CALN1: variants seen among roughly 807,000 people sequenced by gnomAD.
CALN1 encodes calneuron 1, also known as calcium-binding protein 8.
CALN1 carries 17 observed loss-of-function variants against 30.6 expected under a neutral mutation model. That is an observed-to-expected ratio of 0.56 (90% CI 0.38 to 0.83). The LOEUF (loss-of-function observed/expected upper bound fraction) is 0.83. Ranked by LOEUF, CALN1 falls within the 40% of genes least tolerant of loss-of-function variation. The pLI, the probability that CALN1 is intolerant of heterozygous loss-of-function variation, is 0.00. For missense variants in CALN1, 291 were observed against 354.9 expected (o/e 0.82, Z 1.45); for synonymous variants, 156 against 131.4 (o/e 1.19, Z -1.28).
intron 5 of CALN1, among the ~76,000 whole-genome samples, chr7:71,840,902 G>A (rs967185212): frequency 6.6e-6 from 1 of 151,880 alleles, no homozygotes; most frequent in Non-Finnish European, 1.5e-5. Flanking sequence ...ATTTTACTAA[G>A]ATATGTGGGT....
At chr7:72,328,678 G>A (rs1801451279) in intron 2 of CALN1, among the ~76,000 whole-genome samples, 1 of 152,146 alleles carries the variant, frequency 6.6e-6, no homozygotes, top group Non-Finnish European at 1.5e-5. Context: ...TCAAGGCATT[G>A]GTGATCATCG....
At chr7:72,325,022 G>A (rs1801173387) in intron 2 of CALN1, among the ~76,000 whole-genome samples, 1 of 152,120 alleles carries the variant, frequency 6.6e-6, no homozygotes, top group African/African-American at 2.4e-5. Flanking sequence ...AAGATTGCTG[G>A]GTGCACTGGC....
rs1792623360 is a variant in CALN1 at position 71,779,805 on chromosome 7, A to G, written c.*7970T>C. The G allele has an allele frequency of 1.3e-5, 2 of 152,204 alleles. No individual in the cohort carries two copies. Among genetic ancestry groups the G allele is most frequent in the African/African-American group, 4.8e-5 (2 of 41,434 alleles). The allele number at this position is 152,204 out of a possible 1,614,324, so 9.4% of individuals were successfully genotyped here. Reference sequence around the variant, plus strand: ...CTGAATGAGAGAAAATGGGATGCTAATGAGGTAAATGGGAAGATGGTGATT... The same window carrying G: ...CTGAATGAGAGAAAATGGGATGCTAGTGAGGTAAATGGGAAGATGGTGATT... On this transcript the variant is annotated 3_prime_UTR_variant, in exon 7 of 7. Coordinates refer to ENST00000395275, the MANE Select transcript of CALN1 (RefSeq NM_031468.4).
chr7:71,932,748 G>A (rs1326571952), intron 5 of CALN1, among the ~76,000 whole-genome samples: 5 of 150,808 alleles, frequency 3.3e-5, no homozygotes, highest in Non-Finnish European at 5.9e-5. Flanking sequence ...CCCGGGAGGC[G>A]GAGCTTACAG....
intron 6 of CALN1, 24 bp downstream of exon 6, chr7:71,810,312 G>T: frequency 6.2e-7 from 1 of 1,611,008 alleles, no homozygotes; most frequent in Non-Finnish European, 8.5e-7. Context: ...GGACCGGGGA[G>T]GGGATGGCAG....
chr7:71,959,923 C>G (rs1797152134), intron 5 of CALN1, among the ~76,000 whole-genome samples: 1 of 151,990 alleles, frequency 6.6e-6, no homozygotes, highest in African/African-American at 2.4e-5. Flanking sequence ...CACCTGAGGT[C>G]AGGAGTTTGA....
At chr7:72,293,990 C>T (rs773082040) in intron 2 of CALN1, among the ~76,000 whole-genome samples, 15 of 152,122 alleles carry the variant, frequency 9.9e-5, no homozygotes, top group African/African-American at 3.4e-4. Flanking sequence ...CCCAGCTACT[C>T]GGGAGGCTGA....
intron 3 of CALN1, among the ~76,000 whole-genome samples, chr7:72,208,425 T>A (rs1373191898): frequency 6.6e-6 from 1 of 152,214 alleles, no homozygotes; most frequent in East Asian, 1.9e-4. Context: ...AAATGCTAAA[T>A]ATGAATAAAA....
intron 5 of CALN1, among the ~76,000 whole-genome samples, chr7:71,988,656 G>A (rs545374921): frequency 7.2e-5 from 11 of 152,214 alleles, no homozygotes; most frequent in African/African-American, 4.8e-5. Flanking sequence ...AAGTCTCCAC[G>A]TATGAGACGC....
At chr7:72,299,710 T>TTTA (rs71515106) in intron 2 of CALN1, among the ~76,000 whole-genome samples, 4 of 137,566 alleles carry the variant, frequency 2.9e-5, no homozygotes, top group Non-Finnish European at 4.7e-5. Flanking sequence ...TTTTTTTTTT[T>TTTA]AAAAAGAGAG....
At chr7:72,336,536 G>A (rs959308663) in intron 2 of CALN1, among the ~76,000 whole-genome samples, 6 of 152,100 alleles carry the variant, frequency 3.9e-5, no homozygotes, top group Non-Finnish European at 8.8e-5. Context: ...CCCCAGTGTC[G>A]GAGCCAACAG....
chr7:72,336,053 G>A (rs1265416339), intron 2 of CALN1, among the ~76,000 whole-genome samples: 1 of 152,158 alleles, frequency 6.6e-6, no homozygotes, highest in Non-Finnish European at 1.5e-5. Context: ...TTGGAGCTCA[G>A]AGACTAGGTC....
intron 2 of CALN1, among the ~76,000 whole-genome samples, chr7:72,336,316 C>T (rs1212195021): frequency 6.6e-6 from 1 of 152,174 alleles, no homozygotes; most frequent in Admixed American, 6.5e-5. Flanking sequence ...CTCCCCATCG[C>T]CCGGGCGCCT....
rs957224863 is a variant in CALN1 at position 72,234,279 on chromosome 7, G to A, written c.244+44407C>T. Among the ~76,000 whole-genome samples, 9 of 152,090 alleles carry A rather than the reference G, an allele frequency of 5.9e-5. No individual in the cohort carries two copies. In the South Asian group the frequency reaches 8.3e-4, roughly 14 times the overall value. On this transcript the variant is annotated intron_variant, in intron 3 of 6. Transcript: ENST00000395275. ...ACAAGAGAAGACAAGAAACTTCCCCGGGAGCCCAGCCAAGATTAGACTCTG... is the reference window on the plus strand; with the variant it reads ...ACAAGAGAAGACAAGAAACTTCCCCAGGAGCCCAGCCAAGATTAGACTCTG...
At chr7:71,914,973 GT>G (rs1029562926) in intron 5 of CALN1, among the ~76,000 whole-genome samples, 2 of 152,134 alleles carry the variant, frequency 1.3e-5, no homozygotes, top group African/African-American at 2.4e-5. Flanking sequence ...TTGCAAAATG[GT>G]TTTAACTCTT....
chr7:72,435,840 G>A (rs374506694), intron 1 of CALN1, among the ~76,000 whole-genome samples: 61 of 152,280 alleles, frequency 4.0e-4, no homozygotes, highest in African/African-American at 1.2e-3. Flanking sequence ...CTAATTCAGC[G>A]TGTAATAACC....
intron 5 of CALN1, among the ~76,000 whole-genome samples, chr7:71,854,563 T>C (rs968185676): frequency 2.0e-5 from 3 of 152,232 alleles, no homozygotes; most frequent in Non-Finnish European, 2.9e-5. Flanking sequence ...AAGGACCTGG[T>C]TCTTTTTCCT....
In CALN1 at chr7:71,934,170, A is replaced by G. The variant is rs530422839; in HGVS notation, c.501+89487T>C. On this transcript the variant is annotated intron_variant, in intron 5 of 6. Transcript: ENST00000395275. ...GGCTCATGCAACTTCTAGCTAAAAT[A>G]GTTCTCCCGACACCTCAAAAGATTG... Among the ~76,000 whole-genome samples, 22 of 152,336 alleles carry G rather than the reference A, an allele frequency of 1.4e-4. 1 individual carries two copies. Among genetic ancestry groups the G allele is most frequent in the African/African-American group, 5.3e-4 (22 of 41,586 alleles).
At chr7:72,041,689 C>G (rs1347772696) in intron 4 of CALN1, among the ~76,000 whole-genome samples, 1 of 152,108 alleles carries the variant, frequency 6.6e-6, no homozygotes, top group Non-Finnish European at 1.5e-5. Flanking sequence ...TGGCGCAAAT[C>G]TCATCTTGAA....
Sources: allele counts gnomAD v4.1 joint callset (sites outside exome capture counted in the v4.1 genomes callset), GRCh38; gene constraint gnomAD v4.1.1; transcripts MANE v1.5; gene names NCBI Gene and HGNC (gene_info 2026-07-23, HGNC 2026-07-21).